The following ATXN2 variants were observed in gnomAD, a reference collection of about 807,000 sequenced individuals.
ATXN2 encodes ataxin 2.
A neutral mutation model predicts 138.6 loss-of-function variants in ATXN2; 37 were observed. The ratio of observed to expected loss-of-function variants is 0.27; its 90% CI spans 0.21 to 0.35. The LOEUF (loss-of-function observed/expected upper bound fraction) is 0.35, where lower values mean the gene tolerates loss of function less well. ATXN2 is among the 10% of genes least tolerant of loss of function. ATXN2 has a pLI of 1.00. For missense variants in ATXN2, 1,216 were observed against 1,480.3 expected, an observed-to-expected ratio of 0.82 and a Z score of 2.93; for synonymous variants, 549 against 543.7, an observed-to-expected ratio of 1.01 and a Z score of -0.13.
chr12:111,515,089 A>T (rs906673269), intron 10 of ATXN2, among the ~76,000 whole-genome samples: 2 of 152,188 alleles, frequency 1.3e-5, no homozygotes, highest in Admixed American at 1.3e-4. Flanking sequence ...TTGAGCAAAG[A>T]AGTCACCTTG....
chr12:111,471,178 T>C (rs898541878), intron 18 of ATXN2: 2 of 185,834 alleles, frequency 1.1e-5, no homozygotes, highest in Non-Finnish European at 2.3e-5. Context: ...TCTATCTTCC[T>C]TAATTTCCAA....
chr12:111,529,685 C>A (rs1184944520), intron 5 of ATXN2, among the ~76,000 whole-genome samples: 1 of 152,164 alleles, frequency 6.6e-6, no homozygotes, highest in African/African-American at 2.4e-5. Context: ...TCCCCAGCCC[C>A]ATACCCAGGA....
In ATXN2 at chr12:111,580,587, G is replaced by A. The variant is rs554892805; in HGVS notation, c.251+18197C>T. On this transcript the variant is annotated intron_variant, in intron 1 of 24. Coordinates refer to ENST00000673436, the MANE Select transcript of ATXN2 (RefSeq NM_001372574.1). ...GCTACTAAGGAGGCAGAATCATCTG[G>A]GCTCAGGAGTTCAAGGTCAGCCTCA... 1.8e-3 allele frequency among the ~76,000 whole-genome samples: 263 copies of A among 146,994 alleles called. 6 individuals carry two copies. Among genetic ancestry groups the A allele is most frequent in the East Asian group, 3.9e-3 (19 of 4,820 alleles).
At chr12:111,581,342 C>G (rs987484744) in intron 1 of ATXN2, 4 of 569,938 alleles carry the variant, frequency 7.0e-6, no homozygotes, top group Non-Finnish European at 1.3e-5. Context: ...GAGAACCACC[C>G]CAGCAACCCG....
intron 5 of ATXN2, among the ~76,000 whole-genome samples, chr12:111,539,128 T>G (rs1467363580): frequency 6.7e-6 from 1 of 150,268 alleles, no homozygotes; most frequent in African/African-American, 2.4e-5. Context: ...AGGATCTATT[T>G]TAAGTGGGGA....
intron 1 of ATXN2, among the ~76,000 whole-genome samples, chr12:111,569,449 C>T (rs1245797759): frequency 2.0e-5 from 3 of 152,150 alleles, no homozygotes; most frequent in Non-Finnish European, 4.4e-5. Context: ...AAAAAAAAGG[C>T]CAGTCGCAGT....
chr12:111,465,424 A>G (rs973071656), intron 20 of ATXN2, among the ~76,000 whole-genome samples: 1 of 152,104 alleles, frequency 6.6e-6, no homozygotes, highest in Non-Finnish European at 1.5e-5. Flanking sequence ...TTGTATTATT[A>G]CTGTTTCTGA....
intron 5 of ATXN2, among the ~76,000 whole-genome samples, chr12:111,542,908 T>C (rs1881599907): frequency 6.6e-6 from 1 of 152,210 alleles, no homozygotes; most frequent in Non-Finnish European, 1.5e-5. Flanking sequence ...ATAAATGAAG[T>C]TATTGTTCTG....
intron 14 of ATXN2, among the ~76,000 whole-genome samples, chr12:111,499,332 C>A (rs1420319993): frequency 6.6e-6 from 1 of 152,164 alleles, no homozygotes; most frequent in African/African-American, 2.4e-5. Context: ...ATATAAAAGG[C>A]ACTCAAGCAA....
chr12:111,572,198 G>A (rs542240142), intron 1 of ATXN2, among the ~76,000 whole-genome samples: 8 of 152,104 alleles, frequency 5.3e-5, no homozygotes, highest in East Asian at 1.9e-4. Flanking sequence ...TCAGGAGTTC[G>A]AGACCAGCCT....
intron 14 of ATXN2, among the ~76,000 whole-genome samples, chr12:111,493,630 A>ATTT (rs538107471): frequency 7.0e-6 from 1 of 143,714 alleles, no homozygotes; most frequent in Non-Finnish European, 1.5e-5. Context: ...AAGAACTACA[A>ATTT]TTTTTTTTTT....
intron 18 of ATXN2, among the ~76,000 whole-genome samples, chr12:111,472,309 C>A (rs551762014): frequency 2.0e-5 from 3 of 152,202 alleles, no homozygotes; most frequent in Admixed American, 1.3e-4. Context: ...GAAAAGAAAC[C>A]AAGCCCTTGA....
At chr12:111,545,580 A>C (rs1350672642) in intron 5 of ATXN2, among the ~76,000 whole-genome samples, 1 of 152,062 alleles carries the variant, frequency 6.6e-6, no homozygotes, top group East Asian at 1.9e-4. Context: ...AAGAAAAAGA[A>C]AAAGAGAACA....
Position 111,516,325 on chromosome 12 carries a change from G to A in ATXN2, c.1204C>T (p.Arg402Cys), listed in dbSNP as rs760237321. 2.5e-6 allele frequency: 4 copies of A among 1,583,556 alleles called. No homozygotes were observed. The highest frequency in any genetic ancestry group is 1.9e-5 in the Admixed American group (1 of 52,356). ...CCTGACTGGTAGCGAGAAGGTGGGCGAGAGGAAGGAGATGGGCAAGGCGAT... is the reference window on the plus strand; with the variant it reads ...CCTGACTGGTAGCGAGAAGGTGGGCAAGAGGAAGGAGATGGGCAAGGCGAT... ...WPSPCPSPSS[R>C]PPSRYQSGPN... Residue 402 changes from arginine to cysteine, a missense_variant, in exon 10 of 25, where the codon CGC (arginine) becomes TGC (cysteine). By Grantham distance (180) the Arg-to-Cys change is radical. Around this residue, in one of 4 missense-constraint regions of ATXN2, gnomAD observed 401 missense variants for 528.1 expected, o/e 0.76. Coordinates refer to ENST00000673436, the MANE Select transcript of ATXN2 (RefSeq NM_001372574.1). This position sits in a 1 kb window ranked among gnomAD's most constrained non-coding sequence, Gnocchi z 5.0.
intron 7 of ATXN2, 54 bp downstream of exon 7, chr12:111,520,828 T>G: frequency 1.0e-6 from 1 of 993,224 alleles, no homozygotes; most frequent in South Asian, 1.5e-5. Context: ...TAAATTAAGC[T>G]GATGAAAATC....
intron 8 of ATXN2, 125 bp downstream of exon 8, chr12:111,519,754 C>T (rs1353842740): frequency 6.7e-6 from 10 of 1,492,098 alleles, no homozygotes; most frequent in East Asian, 2.3e-5. Context: ...GATCTTAAAC[C>T]AATTCTACTT....
chr12:111,552,186 A>G lies in ATXN2; in HGVS notation c.571+94T>C, dbSNP rs2135785666. On this transcript the variant is annotated intron_variant, in intron 5 of 24. Transcript: ENST00000673436. The surrounding 1 kb of genome is among the most constrained non-coding windows in gnomAD (Gnocchi z 4.1). ...ATGAGCCGCCATACCCAGCCCAGAT[A>G]TTTCTTTAAAAAAAGTTTGTAAGAT... 7.4e-7 allele frequency: 1 copy of G among 1,357,372 alleles called. No homozygotes were observed. Among genetic ancestry groups the G allele is most frequent in the Admixed American group, 2.5e-5 (1 of 39,306 alleles). 84.1% of individuals were successfully genotyped at this position (1,357,372 alleles called of 1,614,324 possible).
upstream of ATXN2, chr12:111,599,551 G>A (rs944087170): frequency 4.2e-6 from 5 of 1,188,036 alleles, no homozygotes; most frequent in Middle Eastern, 6.8e-4. Context: ...GGTGGGAGCG[G>A]AGGTGCGGAT....
intron 14 of ATXN2, among the ~76,000 whole-genome samples, chr12:111,489,008 A>G (rs923799691): frequency 2.6e-5 from 4 of 152,198 alleles, no homozygotes; most frequent in Non-Finnish European, 4.4e-5. Flanking sequence ...CTAAAGTTCA[A>G]TATTTACTGA....
Sources: allele counts gnomAD v4.1 joint callset (sites outside exome capture counted in the v4.1 genomes callset), GRCh38; gene constraint gnomAD v4.1.1; regional missense constraint gnomAD v4.1.1; non-coding constraint Gnocchi (gnomAD v3.1); transcripts MANE v1.5; gene names NCBI Gene and HGNC (gene_info 2026-07-23, HGNC 2026-07-21).